ESCO1: variants seen among roughly 807,000 people sequenced by gnomAD.
The protein encoded by ESCO1 is N-acetyltransferase ESCO1.
Under a neutral mutation model 83.5 loss-of-function variants are expected in ESCO1, and 33 were observed. The observed-to-expected ratio is 0.40, with a 90% confidence interval of 0.30 to 0.53. The LOEUF is 0.53. Among genes scored for constraint, ESCO1 ranks in the 20% least tolerant of loss-of-function variants. ESCO1 has a pLI of 0.63. For missense variants in ESCO1, 855 were observed against 968.0 expected, an observed-to-expected ratio of 0.88 and a Z score of 1.55; for synonymous variants, 332 against 324.3, an observed-to-expected ratio of 1.02 and a Z score of -0.25.
chr18:21,545,140 G>A (rs977050273), intron 8 of ESCO1, among the ~76,000 whole-genome samples: 3 of 152,102 alleles, frequency 2.0e-5, no homozygotes, highest in Non-Finnish European at 4.4e-5. Context: ...TCACTATGTT[G>A]CCAAGGCTGG....
At chr18:21,546,603 G>A (rs1258050160) in intron 8 of ESCO1, among the ~76,000 whole-genome samples, 3 of 152,120 alleles carry the variant, frequency 2.0e-5, no homozygotes, top group Admixed American at 1.3e-4. Flanking sequence ...CTGGAGTGCC[G>A]TGGTGCAATC....
chr18:21,570,970 C>T (rs1377343020), intron 4 of ESCO1, among the ~76,000 whole-genome samples: 2 of 138,112 alleles, frequency 1.4e-5, no homozygotes, highest in Admixed American at 7.4e-5. Flanking sequence ...AGTGAGACTT[C>T]ATCTCAAAAA....
rs778037049 is a variant in ESCO1 at position 21,530,487 on chromosome 18, A to G, written c.2379T>C (p.Ser793=). 9.0e-6 allele frequency: 12 copies of G among 1,336,170 alleles called. No individual in the cohort carries two copies. The highest frequency in any genetic ancestry group is 2.9e-5 in the East Asian group (1 of 34,696). 82.8% of individuals were successfully genotyped at this position (1,336,170 alleles called of 1,614,324 possible). A position where few individuals can be genotyped will look rare whatever the true frequency, so the allele number is the denominator to read the frequency against. The change falls in exon 12 of 12, where the codon AGT becomes AGC. Residue 793 remains serine (S), a synonymous_variant. Coordinates refer to ENST00000269214, the MANE Select transcript of ESCO1 (RefSeq NM_052911.3). ...TCAAATATGAGCCATATATAAAGTT[A>G]CTCCTATTAAAAAAAAATGGGGGGG... ...IASRMIECLR[S]NFIYGSYLSK...
In ESCO1 at chr18:21,567,027, C is replaced by T. The variant is rs543709744; in HGVS notation, c.1646-821G>A. On this transcript the variant is annotated intron_variant, in intron 5 of 11. Transcript: ENST00000269214. ...CATGTCAATGATTATCCGAACTCAA[C>T]ATTTTGCTCCATGTATACCTTTCCT... Among the ~76,000 whole-genome samples the T allele has an allele frequency of 3.9e-5, 6 of 152,316 alleles. No individual in the cohort carries two copies. The East Asian group carries it at 9.6e-4, about 24-fold the overall frequency.
At chr18:21,596,942 C>T (rs770867939) in intron 1 of ESCO1, 1 of 152,162 alleles carries the variant, frequency 6.6e-6, no homozygotes, top group Non-Finnish European at 1.5e-5. Flanking sequence ...TCTAAACATT[C>T]AATTATTTAC....
intron 7 of ESCO1, among the ~76,000 whole-genome samples, chr18:21,561,208 C>T (rs2038181377): frequency 6.6e-6 from 1 of 152,126 alleles, no homozygotes; most frequent in Non-Finnish European, 1.5e-5. Context: ...CGGCATATAA[C>T]AATTTTTTAA....
intron 4 of ESCO1, among the ~76,000 whole-genome samples, chr18:21,569,072 A>C (rs1379685729): frequency 1.3e-5 from 2 of 151,960 alleles, no homozygotes; most frequent in African/African-American, 4.8e-5. Context: ...TATAAATTCC[A>C]CTCATTGCTC....
At chr18:21,551,112 C>CAAAA (rs57346736) in intron 8 of ESCO1, among the ~76,000 whole-genome samples, 56 of 75,284 alleles carry the variant, frequency 7.4e-4, no homozygotes, top group African/African-American at 3.1e-3. Context: ...AACTCTGTCT[C>CAAAA]AAAAAAAAAA....
chr18:21,535,762 C>G (rs1306418122), intron 10 of ESCO1, among the ~76,000 whole-genome samples: 1 of 152,212 alleles, frequency 6.6e-6, no homozygotes, highest in Non-Finnish European at 1.5e-5. Flanking sequence ...ATGATCCACC[C>G]ACCTTGGCCT....
chr18:21,577,160 G>T (rs182691817), intron 2 of ESCO1, among the ~76,000 whole-genome samples: 1 of 151,674 alleles, frequency 6.6e-6, no homozygotes, highest in Non-Finnish European at 1.5e-5. Context: ...CTCAAGACTA[G>T]CCTGGCCAAC....
intron 8 of ESCO1, among the ~76,000 whole-genome samples, chr18:21,543,690 T>C (rs1187553911): frequency 1.3e-5 from 2 of 152,136 alleles, no homozygotes; most frequent in African/African-American, 4.8e-5. Flanking sequence ...AATGAGAATA[T>C]ACATTTGAAG....
intron 5 of ESCO1, 109 bp from the exon 6 acceptor site, chr18:21,566,315 AC>A: frequency 2.2e-6 from 2 of 927,846 alleles, no homozygotes; most frequent in Non-Finnish European, 1.6e-6. Flanking sequence ...GCATTAAATG[AC>A]TTATTTTTAA....
At chr18:21,530,528 T>C (rs773082189) in intron 11 of ESCO1, 38 bp from the exon 12 acceptor site, 2 of 1,349,866 alleles carry the variant, frequency 1.5e-6, no homozygotes, top group Admixed American at 5.1e-5. Flanking sequence ...GGGTTAAGTG[T>C]GAAATGTTAA....
At chr18:21,546,610 A>G (rs1414552617) in intron 8 of ESCO1, among the ~76,000 whole-genome samples, 1 of 152,144 alleles carries the variant, frequency 6.6e-6, no homozygotes, top group Non-Finnish European at 1.5e-5. Context: ...GCCGTGGTGC[A>G]ATCATGGCTC....
At chr18:21,589,974 C>G (rs971141452) in intron 1 of ESCO1, among the ~76,000 whole-genome samples, 3 of 151,722 alleles carry the variant, frequency 2.0e-5, no homozygotes, top group Admixed American at 2.0e-4. Context: ...ACTACAGGCA[C>G]CCGCCACCAC....
chr18:21,598,213 C>A (rs530874372), intron 1 of ESCO1, among the ~76,000 whole-genome samples: 2 of 152,202 alleles, frequency 1.3e-5, no homozygotes, highest in African/African-American at 4.8e-5. Context: ...ATCCATTATT[C>A]GAACTGTGCA....
chr18:21,586,027 T>C (rs887330207), intron 1 of ESCO1, among the ~76,000 whole-genome samples: 1 of 152,362 alleles, frequency 6.6e-6, no homozygotes, highest in African/African-American at 2.4e-5. Context: ...CAAACACTTA[T>C]TACTTGTATC....
At chr18:21,564,104 A>G (rs372259966) in intron 7 of ESCO1, 99 bp downstream of exon 7, 78 of 803,122 alleles carry the variant, frequency 9.7e-5, no homozygotes, top group Non-Finnish European at 1.5e-4. Context: ...CCTCTTTTCT[A>G]TAAAAATTAC....
intron 11 of ESCO1, 85 bp downstream of exon 11, chr18:21,532,388 G>A (rs1335436774): frequency 5.8e-6 from 8 of 1,381,654 alleles, no homozygotes; most frequent in African/African-American, 1.4e-5. Flanking sequence ...TTATACGCAT[G>A]TTAATTAAAT....
Sources: allele counts gnomAD v4.1 joint callset (sites outside exome capture counted in the v4.1 genomes callset), GRCh38; gene constraint gnomAD v4.1.1; transcripts MANE v1.5; gene names NCBI Gene and HGNC (gene_info 2026-07-23, HGNC 2026-07-21).